Variants in PDE1C observed in about 807,000 individuals in gnomAD.
PDE1C encodes dual specificity calcium/calmodulin-dependent 3',5'-cyclic nucleotide phosphodiesterase 1C.
A neutral mutation model predicts 93.1 loss-of-function variants in PDE1C; 62 were observed. That is an observed-to-expected ratio of 0.67 (90% CI 0.54 to 0.82). The LOEUF is 0.82. PDE1C is among the 40% of genes least tolerant of loss of function. PDE1C has a pLI of 0.00. For missense variants in PDE1C, 742 were observed against 884.6 expected (o/e 0.84, Z 2.04); for synonymous variants, 325 against 310.1 (o/e 1.05, Z -0.50).
chr7:31,823,278 G>A, intron 13 of PDE1C, 30 bp from the exon 14 acceptor site: 1 of 1,580,470 alleles, frequency 6.3e-7, no homozygotes, highest in Non-Finnish European at 8.6e-7. Context: ...TACCAAAGAA[G>A]AGAGTTAGTG....
intron 1 of PDE1C, among the ~76,000 whole-genome samples, chr7:32,341,794 A>G (rs980124657): frequency 7.9e-5 from 12 of 152,200 alleles, no homozygotes; most frequent in Admixed American, 2.6e-4. Context: ...GGCTGTTTGC[A>G]TGAGGTCATG....
At chr7:32,111,686 G>A (rs1410541950) in intron 3 of PDE1C, among the ~76,000 whole-genome samples, 1 of 152,144 alleles carries the variant, frequency 6.6e-6, no homozygotes, top group Non-Finnish European at 1.5e-5. Context: ...AGCTAATAAG[G>A]CAGATTGTGA....
chr7:32,193,923 T>C lies in PDE1C; in HGVS notation c.136+15566A>G, dbSNP rs1325519543. On this transcript the variant is annotated intron_variant, in intron 2 of 18. Coordinates refer to the PDE1C transcript ENST00000396193. ...TTTTTTTGGTTTTGTTTTGTTTTTT[T>C]TTTTTTTTTGAGACGGAGTCTCACT... Among the ~76,000 whole-genome samples the C allele has an allele frequency of 1.4e-5, 2 of 147,846 alleles. 1 individual carries two copies. The highest frequency in any genetic ancestry group is 4.3e-4 in the South Asian group (2 of 4,626).
rs552873848 is a variant in PDE1C at position 32,295,359 on chromosome 7, A to C, written c.85+3292T>G. Reference sequence around the variant, plus strand: ...ACGGGTCAGGGCAGATGTGGTTTGAATCCAACTCTGCCACCTAGCTGTGTG... The same window carrying C: ...ACGGGTCAGGGCAGATGTGGTTTGACTCCAACTCTGCCACCTAGCTGTGTG... On this transcript the variant is annotated intron_variant, in intron 1 of 18. Coordinates refer to the PDE1C transcript ENST00000396193. Among the ~76,000 whole-genome samples, 12 of 152,328 alleles carry C rather than the reference A, an allele frequency of 7.9e-5. No individual in the cohort carries two copies. In the South Asian group the frequency reaches 1.2e-3, roughly 16 times the overall value.
intron 11 of PDE1C, among the ~76,000 whole-genome samples, chr7:31,831,195 G>T (rs1355001099): frequency 1.3e-5 from 2 of 152,144 alleles, no homozygotes; most frequent in Non-Finnish European, 2.9e-5. Context: ...GGGGAGGAAG[G>T]CACAAATATA....
At chr7:32,242,311 G>T (rs1231063628) in intron 1 of PDE1C, among the ~76,000 whole-genome samples, 3 of 152,158 alleles carry the variant, frequency 2.0e-5, no homozygotes, top group South Asian at 4.1e-4. Flanking sequence ...TTCCCAGGGG[G>T]TTGAACAATT....
At chr7:32,195,771 T>G (rs1804568819) in intron 2 of PDE1C, among the ~76,000 whole-genome samples, 1 of 152,208 alleles carries the variant, frequency 6.6e-6, no homozygotes, top group Non-Finnish European at 1.5e-5. Flanking sequence ...TGACTTTCTA[T>G]GGCACAGATT....
chr7:31,666,151 T>C, the PDE1C span, among the ~76,000 whole-genome samples: 1 of 152,204 alleles, frequency 6.6e-6, no homozygotes, highest in Non-Finnish European at 1.5e-5. Flanking sequence ...ATTTAACAAC[T>C]CTGTAAAGTT....
intron 3 of PDE1C, among the ~76,000 whole-genome samples, chr7:32,088,027 T>G (rs952233823): frequency 4.0e-5 from 6 of 151,008 alleles, no homozygotes; most frequent in African/African-American, 7.3e-5. Flanking sequence ...AAATAAAAAA[T>G]AAAAAAAAGA....
At chr7:31,744,182 C>T in the PDE1C span, among the ~76,000 whole-genome samples, 19 of 152,062 alleles carry the variant, frequency 1.2e-4, no homozygotes, top group Non-Finnish European at 1.3e-4. Flanking sequence ...ATTATATTTA[C>T]TATGATTCCT....
chr7:31,859,472 T>C (rs910564572), intron 7 of PDE1C, among the ~76,000 whole-genome samples: 7 of 149,868 alleles, frequency 4.7e-5, no homozygotes, highest in African/African-American at 1.7e-4. Flanking sequence ...TATAAAGTTA[T>C]ATCATAGGAT....
At chr7:32,029,579 G>A (rs1418932914) in intron 2 of PDE1C, among the ~76,000 whole-genome samples, 1 of 152,004 alleles carries the variant, frequency 6.6e-6, no homozygotes, top group Non-Finnish European at 1.5e-5. Flanking sequence ...AGGGGTGGGA[G>A]GAGAGGAAAG....
chr7:31,864,901 T>G (rs971277282), intron 7 of PDE1C, 41 bp downstream of exon 7: 1 of 1,598,228 alleles, frequency 6.3e-7, no homozygotes, highest in Admixed American at 1.7e-5. Context: ...AACTCATCCT[T>G]ACATCTTTTG....
At chr7:31,814,814 T>C (rs1788025539) in intron 15 of PDE1C, among the ~76,000 whole-genome samples, 1 of 151,498 alleles carries the variant, frequency 6.6e-6, no homozygotes, top group South Asian at 2.1e-4. Context: ...TATTACTATA[T>C]ACATTGTGTA....
chr7:31,837,457 T>C (rs1791263342), intron 10 of PDE1C, among the ~76,000 whole-genome samples, 157 bp from the exon 11 acceptor site: 4 of 152,218 alleles, frequency 2.6e-5, no homozygotes, highest in African/African-American at 9.6e-5. Flanking sequence ...ATCCTACAAC[T>C]GGGATACTCA....
intron 12 of PDE1C, among the ~76,000 whole-genome samples, chr7:31,826,962 G>C (rs1789764988): frequency 6.6e-6 from 1 of 152,156 alleles, no homozygotes; most frequent in Non-Finnish European, 1.5e-5. Flanking sequence ...ACTTAGCTAT[G>C]TTGTAATAAA....
chr7:32,100,723 C>T (rs1797996630), intron 3 of PDE1C, among the ~76,000 whole-genome samples: 1 of 152,160 alleles, frequency 6.6e-6, no homozygotes, highest in African/African-American at 2.4e-5. Flanking sequence ...CACACATGTG[C>T]ATACACACAG....
At chr7:32,343,102 A>G (rs1042718312) in intron 1 of PDE1C, among the ~76,000 whole-genome samples, 8 of 152,186 alleles carry the variant, frequency 5.3e-5, no homozygotes. Context: ...AGAGGCTGCC[A>G]ACAAGGACTT....
intron 1 of PDE1C, among the ~76,000 whole-genome samples, chr7:32,058,189 G>C (rs780445705): frequency 6.6e-6 from 1 of 152,124 alleles, no homozygotes; most frequent in African/African-American, 2.4e-5. Flanking sequence ...CAGGGTTTCT[G>C]GGTAACAATG....
Sources: allele counts gnomAD v4.1 joint callset (sites outside exome capture counted in the v4.1 genomes callset), GRCh38; gene constraint gnomAD v4.1.1; transcripts MANE v1.5; gene names NCBI Gene and HGNC (gene_info 2026-07-23, HGNC 2026-07-21).